OCA2: variants seen among roughly 807,000 people sequenced by gnomAD.
OCA2 encodes the protein OCA2 melanosomal transmembrane protein, also known as P protein.
In OCA2, 77 loss-of-function variants were observed where a neutral mutation model predicts 100.2. The observed-to-expected ratio is 0.77, with a 90% CI of 0.64 to 0.93. The LOEUF (loss-of-function observed/expected upper bound fraction) is 0.93, where lower values mean the gene tolerates loss of function less well. Ranked by LOEUF, OCA2 falls within the 40% of genes least tolerant of loss-of-function variation. OCA2 has a pLI of 0.00. For missense variants in OCA2, 1,062 were observed against 1,089.1 expected (o/e 0.98, Z 0.35); for synonymous variants, 432 against 439.2 (o/e 0.98, Z 0.21).
chr15:28,052,886 C>T (rs2043559090), intron 2 of OCA2, among the ~76,000 whole-genome samples: 1 of 152,272 alleles, frequency 6.6e-6, no homozygotes, highest in South Asian at 2.1e-4. Flanking sequence ...GCTGGCCTAT[C>T]GCCTTACTCA....
intron 9 of OCA2, among the ~76,000 whole-genome samples, chr15:28,013,914 T>A (rs2042309730): frequency 1.3e-5 from 2 of 152,142 alleles, no homozygotes; most frequent in Non-Finnish European, 2.9e-5. Flanking sequence ...TAACAATTAA[T>A]CCTGTGAGTG....
chr15:27,846,545 G>A (rs926753954), intron 22 of OCA2, among the ~76,000 whole-genome samples: 1 of 152,184 alleles, frequency 6.6e-6, no homozygotes, highest in African/African-American at 2.4e-5. Flanking sequence ...AAGGATTAGT[G>A]ATTGAAAAAA....
chr15:28,012,406 G>C (rs946336314), intron 9 of OCA2, among the ~76,000 whole-genome samples: 3 of 152,174 alleles, frequency 2.0e-5, no homozygotes, highest in African/African-American at 7.2e-5. Flanking sequence ...GCCTCTGGGA[G>C]GTCTTGGGCT....
At chr15:27,754,478 G>T (rs1357968800), downstream of OCA2, among the ~76,000 whole-genome samples, 1 of 152,116 alleles carries the variant, frequency 6.6e-6, no homozygotes, top group African/African-American at 2.4e-5. Context: ...TCTTCCTCTG[G>T]GGCATAGCCA....
chr15:27,988,576 C>T (rs531454193), intron 11 of OCA2, among the ~76,000 whole-genome samples: 1 of 152,268 alleles, frequency 6.6e-6, no homozygotes, highest in East Asian at 1.9e-4. Flanking sequence ...TGCCTGCCCA[C>T]ACCGTGATCT....
At chr15:27,826,863 A>T (rs930236996) in intron 23 of OCA2, among the ~76,000 whole-genome samples, 1 of 152,256 alleles carries the variant, frequency 6.6e-6, no homozygotes, top group Non-Finnish European at 1.5e-5. Flanking sequence ...AGCCTTGCGT[A>T]ACAAATACTT....
At chr15:28,097,530 C>G (rs947307979) in intron 1 of OCA2, among the ~76,000 whole-genome samples, 1 of 152,216 alleles carries the variant, frequency 6.6e-6, no homozygotes, top group Non-Finnish European at 1.5e-5. Flanking sequence ...GCCTTTATCT[C>G]CATTGCAAGC....
At chr15:27,986,761 G>T in intron 11 of OCA2, 118 bp from the exon 12 acceptor site, 1 of 769,696 alleles carries the variant, frequency 1.3e-6, no homozygotes, top group Non-Finnish European at 2.4e-6. Flanking sequence ...ACATCACCAA[G>T]CTCCTCACTC....
chr15:27,917,401 G>C (rs1459579762), intron 19 of OCA2, among the ~76,000 whole-genome samples: 2 of 152,138 alleles, frequency 1.3e-5, no homozygotes, highest in East Asian at 3.9e-4. Flanking sequence ...GCAAAGCTGA[G>C]CTTTGAACAT....
intron 23 of OCA2, among the ~76,000 whole-genome samples, chr15:27,766,224 A>G (rs2031249090): frequency 6.6e-6 from 1 of 152,238 alleles, no homozygotes; most frequent in Non-Finnish European, 1.5e-5. Context: ...AACCTAACAT[A>G]TCCAAAATAT....
chr15:27,876,343 C>T (rs2036790195), intron 19 of OCA2, among the ~76,000 whole-genome samples: 2 of 151,846 alleles, frequency 1.3e-5, no homozygotes, highest in Admixed American at 6.6e-5. Flanking sequence ...TTTTATATAC[C>T]ATAGCATTTG....
chr15:27,978,336 A>G lies in OCA2; in HGVS notation c.1503+5009T>C, dbSNP rs2041034808. On this transcript the variant is annotated intron_variant, in intron 14 of 23. Coordinates refer to ENST00000354638, the MANE Select transcript of OCA2 (RefSeq NM_000275.3). ...TTAGTTAACAATAATGAAGTTTTCT[A>G]TATCCTTGTAGATTTTCTCTCTACT... Among the ~76,000 whole-genome samples, 3 of 152,190 alleles carry G rather than the reference A, an allele frequency of 2.0e-5. No individual in the cohort carries two copies. In the South Asian group the frequency reaches 6.2e-4, roughly 32 times the overall value.
intron 19 of OCA2, among the ~76,000 whole-genome samples, chr15:27,892,359 T>C (rs911728101): frequency 5.9e-5 from 9 of 151,940 alleles, no homozygotes; most frequent in African/African-American, 1.9e-4. Context: ...TCATACAGAG[T>C]ATGTTCTTCA....
intron 22 of OCA2, among the ~76,000 whole-genome samples, chr15:27,845,701 C>T (rs1405210001): frequency 1.3e-5 from 2 of 152,188 alleles, no homozygotes; most frequent in African/African-American, 2.4e-5. Context: ...GAGCCTCCTC[C>T]GTCGCTCCCA....
intron 19 of OCA2, among the ~76,000 whole-genome samples, chr15:27,910,233 A>G (rs185934301): frequency 2.1e-4 from 32 of 152,376 alleles, no homozygotes; most frequent in Admixed American, 5.2e-4. Context: ...GGCCACACTC[A>G]CATAATGCCA....
At chr15:27,793,789 C>G (rs35690998) in intron 23 of OCA2, among the ~76,000 whole-genome samples, 4,808 of 152,350 alleles carry the variant, frequency 0.032, 121 homozygotes, top group Middle Eastern at 0.085. Context: ...AGTTCTTCTT[C>G]CTCACCCAAT....
rs547553183 is a variant in OCA2 at position 27,989,087 on chromosome 15, G to A, written c.1182+514C>T. Among the ~76,000 whole-genome samples, 23 of 152,268 alleles carry A rather than the reference G, an allele frequency of 1.5e-4. No homozygotes were observed. In the South Asian group the frequency reaches 4.8e-3, roughly 32 times the overall value. ...CCCAGGCTCCACTGGTTCTAGTTAA[G>A]CTGGGTTAGGACTCACACTAGTGAG... On this transcript the variant is annotated intron_variant, in intron 11 of 23. Coordinates refer to ENST00000354638, the MANE Select transcript of OCA2 (RefSeq NM_000275.3).
At chr15:27,784,200 C>T (rs981883430) in intron 23 of OCA2, among the ~76,000 whole-genome samples, 1 of 152,164 alleles carries the variant, frequency 6.6e-6, no homozygotes, top group African/African-American at 2.4e-5. Context: ...TCAAAGAAAA[C>T]ACCTAAAAGT....
chr15:27,770,552 G>A (rs2031651506), intron 23 of OCA2, among the ~76,000 whole-genome samples: 1 of 149,130 alleles, frequency 6.7e-6, no homozygotes, highest in Non-Finnish European at 1.5e-5. Flanking sequence ...CCTCGCCGCC[G>A]GGGAAGGTCC....
Sources: gnomAD v4.1 joint callset for allele counts (sites outside exome capture counted in the v4.1 genomes callset) on GRCh38, gnomAD v4.1.1 for gene constraint, MANE v1.5 for transcripts, NCBI Gene and HGNC (gene_info 2026-07-23, HGNC 2026-07-21) for gene names.